INPP4A: variants seen among roughly 807,000 people sequenced by gnomAD.
INPP4A encodes inositol polyphosphate-4-phosphatase, type I, 107kD.
Under a neutral mutation model 119.8 loss-of-function variants are expected in INPP4A, and 33 were observed. The observed-to-expected ratio is 0.28, with a 90% confidence interval of 0.21 to 0.37. The LOEUF is 0.37. Ranked by LOEUF, INPP4A falls within the 10% of genes least tolerant of loss-of-function variation. The pLI is 1.00. For synonymous variants in INPP4A, 496 were observed against 500.7 expected, an observed-to-expected ratio of 0.99 and a Z score of 0.12; for missense variants, 956 against 1,289.9, an observed-to-expected ratio of 0.74 and a Z score of 3.97.
chr2:98,580,448 C>T lies in INPP4A; in HGVS notation c.2786+3305C>T, dbSNP rs1220142501. Among the ~76,000 whole-genome samples the T allele has an allele frequency of 3.9e-5, 6 of 152,364 alleles. No homozygotes were observed. In the East Asian group the frequency reaches 1.2e-3, roughly 29 times the overall value. Reference sequence around the variant, plus strand: ...CAAGCTCCCATGTGGCACCATTGAACATGGAGTTGGGAAGAGATTCACACA... The same window carrying T: ...CAAGCTCCCATGTGGCACCATTGAATATGGAGTTGGGAAGAGATTCACACA... On this transcript the variant is annotated intron_variant, in intron 24 of 24. Coordinates refer to ENST00000409851, the MANE Select transcript of INPP4A (RefSeq NM_001134225.2).
Position 98,547,166 on chromosome 2 carries a change from CAGACAA to C in INPP4A, c.1163+478_1163+483del, listed in dbSNP as rs568004033. 1.1e-4 allele frequency among the ~76,000 whole-genome samples: 16 copies of C among 152,318 alleles called. No homozygotes were observed. In the South Asian group the frequency reaches 3.3e-3, roughly 32 times the overall value. ...GTAGGGAGGGTGGTGAAGGGCATTT[CAGACAA>C]AGACATGGCAGAAGCATTGCACATG... On this transcript the variant is annotated intron_variant, in intron 13 of 24. Coordinates refer to ENST00000409851, the MANE Select transcript of INPP4A (RefSeq NM_001134225.2).
intron 24 of INPP4A, among the ~76,000 whole-genome samples, chr2:98,580,227 C>T (rs193187981): frequency 4.3e-4 from 61 of 141,070 alleles, no homozygotes; most frequent in African/African-American, 1.4e-3. Context: ...TCTTATCAGA[C>T]GGAAGAGTAG....
chr2:98,469,792 G>T (rs1318387550), intron 1 of INPP4A, among the ~76,000 whole-genome samples: 1 of 152,108 alleles, frequency 6.6e-6, no homozygotes. Context: ...CAGCAAGAAA[G>T]AAATTCCGTC....
intron 1 of INPP4A, among the ~76,000 whole-genome samples, chr2:98,461,868 G>T (rs984960954): frequency 1.3e-5 from 2 of 152,240 alleles, no homozygotes; most frequent in East Asian, 1.9e-4. Flanking sequence ...CTGTGCTGCA[G>T]ATTCTTCAAC....
chr2:98,583,919 G>A (rs1699662126), intron 24 of INPP4A, among the ~76,000 whole-genome samples: 1 of 152,212 alleles, frequency 6.6e-6, no homozygotes, highest in Non-Finnish European at 1.5e-5. Context: ...ACCATCATGA[G>A]CACTGCAGGC....
rs561832681 is a variant in INPP4A, at chr2:98,538,586, G to A, written c.580-305G>A. ...CACCCAAAATAAGCCCAGAATGTTA[G>A]TTCTGGAAATATCCCTTGGCATCAT... is the stretch of plus-strand genomic sequence containing the variant. On this transcript the variant is annotated intron_variant, in intron 8 of 24. Transcript: ENST00000409851. Among the ~76,000 whole-genome samples the A allele has an allele frequency of 4.6e-5, 7 of 152,320 alleles. 1 individual carries two copies. The highest frequency in any genetic ancestry group is 1.7e-4 in the African/African-American group (7 of 41,568).
intron 1 of INPP4A, among the ~76,000 whole-genome samples, chr2:98,493,597 A>G (rs1681306061): frequency 6.6e-6 from 1 of 151,878 alleles, no homozygotes; most frequent in Non-Finnish European, 1.5e-5. Flanking sequence ...GGGTTTCGCT[A>G]TGTTGCCCAG....
intron 11 of INPP4A, among the ~76,000 whole-genome samples, chr2:98,544,371 T>A (rs540016845): frequency 1.3e-5 from 2 of 152,344 alleles, no homozygotes; most frequent in African/African-American, 4.8e-5. Context: ...AATGTCAGTA[T>A]AGGATGTACT....
chr2:98,453,838 A>G (rs1300040093), intron 1 of INPP4A, among the ~76,000 whole-genome samples: 5 of 152,186 alleles, frequency 3.3e-5, no homozygotes, highest in Non-Finnish European at 7.4e-5. Flanking sequence ...AGTCCTCTGC[A>G]CAGCCACACT....
chr2:98,588,504 T>A lies in INPP4A; in HGVS notation c.*896T>A, dbSNP rs537482363. 56 of 211,886 alleles carry A rather than the reference T, an allele frequency of 2.6e-4. No individual in the cohort carries two copies. The highest frequency in any genetic ancestry group is 1.5e-3 in the Middle Eastern group (1 of 658). The allele number at this position is 211,886 out of a possible 1,614,324, so 13.1% of individuals were successfully genotyped here. ...AACCTAAATATTTTCAGAAAAAAAA[T>A]TTTTTTTGCAGGATTTCCAATTTAT... On this transcript the variant is annotated 3_prime_UTR_variant, in exon 25 of 25. Coordinates refer to ENST00000409851, the MANE Select transcript of INPP4A (RefSeq NM_001134225.2).
intron 1 of INPP4A, among the ~76,000 whole-genome samples, chr2:98,507,604 A>T (rs979160714): frequency 6.6e-6 from 1 of 152,058 alleles, no homozygotes; most frequent in African/African-American, 2.4e-5. Context: ...GCCTGGCTCA[A>T]GCTGGAGAGA....
rs368706335 is a variant in INPP4A, at chr2:98,522,846, A to G, written c.151+2115A>G. Among the ~76,000 whole-genome samples the G allele has an allele frequency of 9.2e-5, 14 of 152,350 alleles. No homozygotes were observed. The East Asian group carries it at 9.6e-4, about 10-fold the overall frequency. On this transcript the variant is annotated intron_variant, in intron 4 of 24. Coordinates refer to ENST00000409851, the MANE Select transcript of INPP4A (RefSeq NM_001134225.2). ...ATGTCTCAGTGACATTGGAAACTTG[A>G]AGACAGTGAGACAACACCTTTAATT... is the stretch of plus-strand genomic sequence containing the variant.
At chr2:98,515,187 A>AATGG (rs1321480992) in intron 1 of INPP4A, among the ~76,000 whole-genome samples, 3 of 152,172 alleles carry the variant, frequency 2.0e-5, no homozygotes, top group Non-Finnish European at 4.4e-5. Flanking sequence ...AGTGCCAGTG[A>AATGG]ATGGTGTGAC....
intron 6 of INPP4A, 111 bp from the exon 7 acceptor site, chr2:98,536,018 A>G: frequency 1.4e-6 from 1 of 736,934 alleles, no homozygotes; most frequent in Non-Finnish European, 2.3e-6. Context: ...TTCTGACATA[A>G]GGGTAAGAGG....
intron 1 of INPP4A, among the ~76,000 whole-genome samples, chr2:98,452,611 T>A (rs2104475686): frequency 6.6e-6 from 1 of 152,332 alleles, no homozygotes; most frequent in East Asian, 1.9e-4. Context: ...TTTACGGCCC[T>A]GGGGGCCGCT....
At chr2:98,582,862 A>C (rs561467173) in intron 24 of INPP4A, among the ~76,000 whole-genome samples, 1 of 151,510 alleles carries the variant, frequency 6.6e-6, no homozygotes, top group East Asian at 2.0e-4. Context: ...CTACTGCATA[A>C]GTCAAACAGA....
At chr2:98,453,789 G>C (rs1454185873) in intron 1 of INPP4A, among the ~76,000 whole-genome samples, 1 of 152,180 alleles carries the variant, frequency 6.6e-6, no homozygotes, top group African/African-American at 2.4e-5. Context: ...CGTATTGTTC[G>C]TGGTAGTAAG....
chr2:98,444,797 GC>G (rs986196747), upstream of INPP4A: 130 of 152,356 alleles, frequency 8.5e-4, 1 homozygote, highest in Non-Finnish European at 1.6e-3. Context: ...CAGGGCGCGG[GC>G]CGGGCCCTCA....
At chr2:98,547,441 G>A (rs148209616) in intron 13 of INPP4A, among the ~76,000 whole-genome samples, 36 of 152,272 alleles carry the variant, frequency 2.4e-4, no homozygotes, top group African/African-American at 7.5e-4. Context: ...CCCAGGGGTG[G>A]GAGGGAGAGA....
Sources: gnomAD v4.1 joint callset for allele counts (sites outside exome capture counted in the v4.1 genomes callset) on GRCh38, gnomAD v4.1.1 for gene constraint, MANE v1.5 for transcripts, NCBI Gene and HGNC (gene_info 2026-07-23, HGNC 2026-07-21) for gene names.